DAAM2: variants seen among roughly 807,000 people sequenced by gnomAD.
The protein encoded by DAAM2 is dishevelled associated activator of morphogenesis 2, also known as disheveled-associated activator of morphogenesis 2.
A neutral mutation model predicts 120.7 loss-of-function variants in DAAM2; 39 were observed. That is an observed-to-expected ratio of 0.32 (90% CI 0.25 to 0.42). The LOEUF (loss-of-function observed/expected upper bound fraction) is 0.42, where lower values mean the gene tolerates loss of function less well. Ranked by LOEUF, DAAM2 falls within the 10% of genes least tolerant of loss-of-function variation. The pLI is 1.00. For missense variants in DAAM2, 1,283 were observed against 1,401.7 expected (o/e 0.92, Z 1.35); for synonymous variants, 488 against 524.9 (o/e 0.93, Z 0.96).
chr6:39,822,930 T>C (rs927362868), intron 1 of DAAM2: 2 of 152,158 alleles, frequency 1.3e-5, no homozygotes, highest in African/African-American at 4.8e-5. Context: ...CTGGGAACAT[T>C]GTGTGATTGT....
intron 5 of DAAM2, among the ~76,000 whole-genome samples, chr6:39,867,034 G>GT (rs1012845760): frequency 5.3e-5 from 8 of 152,276 alleles, no homozygotes; most frequent in African/African-American, 9.6e-5. Context: ...GGGTTTTAAT[G>GT]TTTTTTTGCT....
chr6:39,904,273 G>T lies in DAAM2; in HGVS notation c.*2236G>T, dbSNP rs1242520732. 4.4e-6 allele frequency: 2 copies of T among 456,752 alleles called. No individual in the cohort carries two copies. Among genetic ancestry groups the T allele is most frequent in the East Asian group, 6.9e-5 (1 of 14,406 alleles). 28.3% of individuals were successfully genotyped at this position (456,752 alleles called of 1,614,324 possible). On this transcript the variant is annotated 3_prime_UTR_variant, in exon 25 of 25. Coordinates refer to ENST00000274867, the MANE Select transcript of DAAM2 (RefSeq NM_001201427.2). The stretch of plus-strand genomic sequence containing the variant: ...CTCAGCCTTCTCACTCTAAAAGAAA[G>T]ATATTTTTCTATTTATTTTCTACAT...
intron 1 of DAAM2, among the ~76,000 whole-genome samples, chr6:39,843,791 G>T (rs9471186): frequency 5.1e-4 from 77 of 151,984 alleles, no homozygotes; most frequent in African/African-American, 1.8e-3. Context: ...TACAGGGTTT[G>T]GTCATGCAAG....
chr6:39,832,222 T>A (rs1403035435), intron 1 of DAAM2, among the ~76,000 whole-genome samples: 1 of 151,920 alleles, frequency 6.6e-6, no homozygotes, highest in Non-Finnish European at 1.5e-5. Context: ...AAAGTGGGGC[T>A]TGACTAGTTT....
chr6:39,828,486 A>C (rs1762757409), intron 1 of DAAM2, among the ~76,000 whole-genome samples: 1 of 151,432 alleles, frequency 6.6e-6, no homozygotes, highest in Non-Finnish European at 1.5e-5. Context: ...CTTCCTCTGG[A>C]GGGGAAGAAC....
chr6:39,889,636 A>G (rs1036122420), intron 17 of DAAM2, among the ~76,000 whole-genome samples: 1 of 152,222 alleles, frequency 6.6e-6, no homozygotes, highest in Non-Finnish European at 1.5e-5. Context: ...GGCTGGAGGC[A>G]TTGACCCTCC....
At chr6:39,873,406 G>A (rs1764743352) in intron 10 of DAAM2, 51 bp downstream of exon 10, 1 of 1,336,226 alleles carries the variant, frequency 7.5e-7, no homozygotes, top group Non-Finnish European at 1.1e-6. Flanking sequence ...ACCTTGACTT[G>A]GGGCAGGTTT....
At chr6:39,900,010 T>A in intron 22 of DAAM2, 67 bp from the exon 23 acceptor site, 1 of 1,524,414 alleles carries the variant, frequency 6.6e-7, no homozygotes, top group South Asian at 1.2e-5. Context: ...AGGGGAGATG[T>A]GGTGACCCCT....
intron 1 of DAAM2, among the ~76,000 whole-genome samples, chr6:39,837,680 A>G (rs1023339205): frequency 6.6e-6 from 1 of 150,946 alleles, no homozygotes; most frequent in Admixed American, 6.6e-5. Flanking sequence ...AAAAAAAAAA[A>G]AAAAAAGAAA....
intron 1 of DAAM2, among the ~76,000 whole-genome samples, chr6:39,851,835 G>A (rs974670517): frequency 5.3e-5 from 8 of 152,330 alleles, no homozygotes; most frequent in Middle Eastern, 3.4e-3. Flanking sequence ...GCACAGAAAG[G>A]AAACTGAGGC....
At chr6:39,811,185 G>A (rs997381801) in intron 1 of DAAM2, among the ~76,000 whole-genome samples, 7 of 66,674 alleles carry the variant, frequency 1.0e-4, no homozygotes, top group African/African-American at 2.5e-4. Context: ...GTGTGTGTGT[G>A]TGTGTGTGTG....
chr6:39,799,524 T>G (rs1017496873), intron 1 of DAAM2, among the ~76,000 whole-genome samples: 5 of 152,158 alleles, frequency 3.3e-5, no homozygotes, highest in Admixed American at 2.6e-4. Context: ...AAAAATGAAG[T>G]TCTATTCTGA....
At chr6:39,871,017 G>A (rs929122919) in intron 8 of DAAM2, among the ~76,000 whole-genome samples, 2 of 152,196 alleles carry the variant, frequency 1.3e-5, no homozygotes. Flanking sequence ...TAGAAAATGA[G>A]GGAGAGATTA....
chr6:39,870,542 A>G, intron 8 of DAAM2, 99 bp downstream of exon 8: 1 of 760,812 alleles, frequency 1.3e-6, no homozygotes. Context: ...CCCTCTGGAG[A>G]CCAGCTGCCA....
intron 2 of DAAM2, among the ~76,000 whole-genome samples, chr6:39,860,477 C>A (rs1302371357): frequency 2.0e-5 from 3 of 152,136 alleles, no homozygotes; most frequent in African/African-American, 4.8e-5. Flanking sequence ...AAGGATGGGG[C>A]AAGAATCTGA....
At chr6:39,829,482 G>C (rs1348644690) in intron 1 of DAAM2, among the ~76,000 whole-genome samples, 1 of 152,216 alleles carries the variant, frequency 6.6e-6, no homozygotes, top group Non-Finnish European at 1.5e-5. Flanking sequence ...TCCCTCTTAA[G>C]AGGCTTGTGT....
At chr6:39,836,304 C>G (rs562507649) in intron 1 of DAAM2, among the ~76,000 whole-genome samples, 2 of 152,146 alleles carry the variant, frequency 1.3e-5, no homozygotes, top group Non-Finnish European at 2.9e-5. Flanking sequence ...AAACCTCCCC[C>G]CAGCCTTCCA....
At chr6:39,796,358 C>T (rs1761698952) in intron 1 of DAAM2, among the ~76,000 whole-genome samples, 1 of 152,126 alleles carries the variant, frequency 6.6e-6, no homozygotes, top group Admixed American at 6.5e-5. Context: ...AACCAGTGGT[C>T]AACTTCTCTT....
At chr6:39,862,805 C>CAAAAAAAAAAAA (rs60238956) in intron 3 of DAAM2, 2 of 50,634 alleles carry the variant, frequency 3.9e-5, no homozygotes, top group African/African-American at 7.5e-5. Context: ...AACTCCATCT[C>CAAAAAAAAAAAA]AAAAAAAAAA....
Sources: gnomAD v4.1 joint callset for allele counts (sites outside exome capture counted in the v4.1 genomes callset) on GRCh38, gnomAD v4.1.1 for gene constraint, MANE v1.5 for transcripts, NCBI Gene and HGNC (gene_info 2026-07-23, HGNC 2026-07-21) for gene names.